The following CSMD1 variants were observed in gnomAD, a reference collection of about 807,000 sequenced individuals.
CSMD1 encodes CUB and sushi domain-containing protein 1.
Under a neutral mutation model 417.5 loss-of-function variants are expected in CSMD1, and 213 were observed. The ratio of observed to expected loss-of-function variants is 0.51; its 90% CI spans 0.46 to 0.57. The LOEUF is 0.57. Among genes scored for constraint, CSMD1 ranks in the 20% least tolerant of loss-of-function variants. The pLI, the probability that CSMD1 is intolerant of heterozygous loss-of-function variation, is 0.00. For missense variants in CSMD1, 6,923 were observed against 4,529.7 expected (o/e 1.53, Z -15.17); for synonymous variants, 2,862 against 1,736.8 (o/e 1.65, Z -16.11).
rs1047641649 is a variant in CSMD1, at chr8:4,750,253, C to T, written c.86-112695G>A. 4.6e-5 allele frequency among the ~76,000 whole-genome samples: 7 copies of T among 150,998 alleles called. No individual in the cohort carries two copies. In the South Asian group the frequency reaches 6.2e-4, roughly 13 times the overall value. ...CGATCTCCCGACATTGTGATCCGCC[C>T]GCCTCGGCCTCCCACAGTGCTGGGA... On this transcript the variant is annotated intron_variant, in intron 1 of 69. Coordinates refer to ENST00000635120, the MANE Select transcript of CSMD1 (RefSeq NM_033225.6).
intron 1 of CSMD1, among the ~76,000 whole-genome samples, chr8:4,855,535 A>C (rs1384290597): frequency 2.0e-5 from 3 of 152,092 alleles, no homozygotes; most frequent in African/African-American, 7.2e-5. Context: ...AGAAGAATGT[A>C]TAACTAGAAT....
At chr8:4,604,075 G>C (rs1011270169) in intron 2 of CSMD1, among the ~76,000 whole-genome samples, 3 of 151,922 alleles carry the variant, frequency 2.0e-5, no homozygotes, top group Non-Finnish European at 4.4e-5. Flanking sequence ...CATCAACTTA[G>C]TTGTTATCAT....
intron 5 of CSMD1, among the ~76,000 whole-genome samples, chr8:3,852,151 T>C (rs1004123141): frequency 6.6e-5 from 10 of 152,136 alleles, no homozygotes; most frequent in Admixed American, 3.9e-4. Flanking sequence ...TCTATAAGAA[T>C]ACTTGATTCT....
At chr8:3,226,614 C>G (rs1038492832) in intron 27 of CSMD1, among the ~76,000 whole-genome samples, 3 of 149,818 alleles carry the variant, frequency 2.0e-5, no homozygotes, top group South Asian at 2.1e-4. Flanking sequence ...CGTTAATGTC[C>G]TTTGGTCTAC....
At chr8:4,842,026 A>G (rs1585197254) in intron 1 of CSMD1, among the ~76,000 whole-genome samples, 1 of 151,986 alleles carries the variant, frequency 6.6e-6, no homozygotes, top group Middle Eastern at 3.4e-3. Flanking sequence ...CAATTTTTCA[A>G]GGGAGCTGAG....
rs114197691 is a variant in CSMD1 at position 3,549,627 on chromosome 8, A to G, written c.1344+25318T>C. 3.0e-3 allele frequency among the ~76,000 whole-genome samples: 460 copies of G among 152,284 alleles called. 1 individual carries two copies. Among genetic ancestry groups the G allele is most frequent in the African/African-American group, 0.011 (442 of 41,552 alleles). ...TGTGGCTTTTTAAAAACAGGAGGAG[A>G]AACCTCAGCTAGCATGATGGGAGAA... On this transcript the variant is annotated intron_variant, in intron 10 of 69. Coordinates refer to ENST00000635120, the MANE Select transcript of CSMD1 (RefSeq NM_033225.6).
At chr8:3,398,140 G>A (rs1410916258) in intron 16 of CSMD1, among the ~76,000 whole-genome samples, 7 of 152,164 alleles carry the variant, frequency 4.6e-5, no homozygotes, top group Non-Finnish European at 1.0e-4. Context: ...ACTGGCCAGA[G>A]AAGAATATAG....
intron 1 of CSMD1, among the ~76,000 whole-genome samples, chr8:4,854,302 G>C (rs538200697): frequency 2.6e-4 from 39 of 152,216 alleles, no homozygotes; most frequent in African/African-American, 9.4e-4. Flanking sequence ...AGGAGGTGTT[G>C]GGTTGCCGAG....
chr8:4,189,140 G>T (rs144763229), intron 3 of CSMD1, among the ~76,000 whole-genome samples: 2 of 152,332 alleles, frequency 1.3e-5, no homozygotes, highest in African/African-American at 4.8e-5. Flanking sequence ...AACCAAGTTT[G>T]TGAGTCATCT....
intron 7 of CSMD1, chr8:3,704,739 A>T (rs1314965073): frequency 6.6e-6 from 1 of 152,192 alleles, no homozygotes; most frequent in Non-Finnish European, 1.5e-5. Flanking sequence ...CAGACCACTG[A>T]CCTTGATCTG....
At chr8:4,802,732 T>G (rs868018164) in intron 1 of CSMD1, among the ~76,000 whole-genome samples, 3 of 152,176 alleles carry the variant, frequency 2.0e-5, no homozygotes, top group Admixed American at 2.0e-4. Context: ...AAAGAGAATG[T>G]TTAAATATGT....
At position 3,842,008 on chromosome 8, in the gene CSMD1, C is replaced by T. The variant is rs146579227; in HGVS notation, c.819-87966G>A. On this transcript the variant is annotated intron_variant, in intron 5 of 69. Coordinates refer to ENST00000635120, the MANE Select transcript of CSMD1 (RefSeq NM_033225.6). ...CGTGTTGCAGCATCAATTTGTATAT[C>T]GAGTTAAAAGCTCCTTTCTTTCTAA... Among the ~76,000 whole-genome samples the T allele has an allele frequency of 2.5e-3, 386 of 152,288 alleles. 2 individuals are homozygous for T. Among genetic ancestry groups the T allele is most frequent in the African/African-American group, 9.0e-3 (374 of 41,558 alleles).
chr8:4,720,344 C>T (rs935849267), intron 1 of CSMD1, among the ~76,000 whole-genome samples: 14 of 152,072 alleles, frequency 9.2e-5, no homozygotes, highest in Admixed American at 2.6e-4. Context: ...TAACATGGTA[C>T]CATGTATTAT....
intron 2 of CSMD1, among the ~76,000 whole-genome samples, chr8:4,561,237 G>A (rs1335737675): frequency 2.0e-5 from 3 of 152,116 alleles, no homozygotes; most frequent in African/African-American, 7.2e-5. Flanking sequence ...AGTCAGGCGT[G>A]GTAGTGTGTG....
chr8:3,875,829 G>A (rs114576627), intron 5 of CSMD1, among the ~76,000 whole-genome samples: 253 of 152,312 alleles, frequency 1.7e-3, no homozygotes, highest in African/African-American at 6.0e-3. Flanking sequence ...GAGGGAATTT[G>A]CAGATCAATC....
At chr8:4,257,898 G>A (rs928709393) in intron 3 of CSMD1, among the ~76,000 whole-genome samples, 1 of 152,146 alleles carries the variant, frequency 6.6e-6, no homozygotes, top group Non-Finnish European at 1.5e-5. Flanking sequence ...TTGTGACCAG[G>A]CTAACAACAA....
chr8:3,541,883 A>C (rs2117569082), intron 10 of CSMD1, among the ~76,000 whole-genome samples: 1 of 152,210 alleles, frequency 6.6e-6, no homozygotes, highest in East Asian at 1.9e-4. Context: ...CCAAAATGGC[A>C]AAACCCCATC....
chr8:4,792,527 G>C (rs181477276), intron 1 of CSMD1, among the ~76,000 whole-genome samples: 1 of 152,014 alleles, frequency 6.6e-6, no homozygotes, highest in Non-Finnish European at 1.5e-5. Context: ...CTGTGCTTTG[G>C]GTGATCACGC....
At chr8:3,238,675 T>C (rs1337500249) in intron 26 of CSMD1, among the ~76,000 whole-genome samples, 1 of 152,054 alleles carries the variant, frequency 6.6e-6, no homozygotes, top group Non-Finnish European at 1.5e-5. Context: ...TTTGTATGAA[T>C]TGAAAAACTA....
Sources: allele counts gnomAD v4.1 joint callset (sites outside exome capture counted in the v4.1 genomes callset), GRCh38; gene constraint gnomAD v4.1.1; transcripts MANE v1.5; gene names NCBI Gene and HGNC (gene_info 2026-07-23, HGNC 2026-07-21).